Variants in INTS4 observed in about 807,000 individuals in gnomAD.
INTS4 encodes MSTP093.
INTS4 carries 70 observed loss-of-function variants against 119.5 expected under a neutral mutation model. That is an observed-to-expected ratio of 0.59 (90% CI 0.48 to 0.71). The LOEUF is 0.71. Ranked by LOEUF, INTS4 falls within the 30% of genes least tolerant of loss-of-function variation. The pLI, the probability that INTS4 is intolerant of heterozygous loss-of-function variation, is 0.00. For missense variants in INTS4, 867 were observed against 1,173.2 expected (o/e 0.74, Z 3.81); for synonymous variants, 316 against 419.6 (o/e 0.75, Z 3.02).
intron 4 of INTS4, among the ~76,000 whole-genome samples, chr11:77,972,245 C>T (rs1297845094): frequency 6.6e-6 from 1 of 152,078 alleles, no homozygotes; most frequent in African/African-American, 2.4e-5. Flanking sequence ...ACTACAGGCA[C>T]ACACCACCAT....
intron 8 of INTS4, among the ~76,000 whole-genome samples, chr11:77,953,828 C>T (rs1380648192): frequency 6.6e-6 from 1 of 152,060 alleles, no homozygotes; most frequent in African/African-American, 2.4e-5. Flanking sequence ...AAGTGATTTG[C>T]CCGCTTCGGC....
chr11:77,889,758 T>A (rs151147361), intron 21 of INTS4, among the ~76,000 whole-genome samples: 11 of 152,250 alleles, frequency 7.2e-5, no homozygotes, highest in African/African-American at 2.6e-4. Flanking sequence ...TTCAAACCAC[T>A]GGACCTGTCC....
chr11:77,887,003 T>A (rs1393710300), intron 21 of INTS4, among the ~76,000 whole-genome samples: 1 of 150,544 alleles, frequency 6.6e-6, no homozygotes, highest in African/African-American at 2.4e-5. Flanking sequence ...GCAGGAAAGA[T>A]CCAAAATTGA....
chr11:77,973,858 A>T (rs1238311998), intron 4 of INTS4, among the ~76,000 whole-genome samples: 1 of 152,158 alleles, frequency 6.6e-6, no homozygotes, highest in Non-Finnish European at 1.5e-5. Flanking sequence ...TATTTTGTTA[A>T]AGATATTTGG....
rs982409910 is a variant in INTS4, at chr11:77,925,357, A to G, written c.1372-465T>C. Among the ~76,000 whole-genome samples the G allele has an allele frequency of 2.0e-5, 3 of 152,268 alleles. No homozygotes were observed. The East Asian group carries it at 5.8e-4, about 29-fold the overall frequency. On this transcript the variant is annotated intron_variant, in intron 11 of 22. Transcript: ENST00000534064. ...GATCACTGTAACAGATGTAATAATGAAAAAGTTTGAAATATTGCAAGAATT... is the reference window on the plus strand; with the variant it reads ...GATCACTGTAACAGATGTAATAATGGAAAAGTTTGAAATATTGCAAGAATT...
intron 1 of INTS4, among the ~76,000 whole-genome samples, chr11:77,994,138 T>C (rs1856805155): frequency 6.6e-6 from 1 of 152,038 alleles, no homozygotes; most frequent in Non-Finnish European, 1.5e-5. Flanking sequence ...TTCAGCCCCT[T>C]AGAACCTTGT....
chr11:77,930,143 T>C (rs1953611223), intron 10 of INTS4, among the ~76,000 whole-genome samples: 1 of 152,226 alleles, frequency 6.6e-6, no homozygotes, highest in African/African-American at 2.4e-5. Context: ...CTTCTATACA[T>C]GGTTGTTTTT....
intron 18 of INTS4, 183 bp downstream of exon 18, chr11:77,901,238 G>A (rs1210406169): frequency 2.9e-6 from 2 of 701,350 alleles, no homozygotes; most frequent in Non-Finnish European, 5.0e-6. Context: ...GATTTCCAAG[G>A]GTCTAATCTG....
chr11:77,967,082 A>C (rs1855536353), intron 4 of INTS4, among the ~76,000 whole-genome samples: 1 of 152,036 alleles, frequency 6.6e-6, no homozygotes, highest in South Asian at 2.1e-4. Flanking sequence ...TTCCCTAATG[A>C]TTAGTGATTA....
At chr11:77,973,910 G>C (rs1427981899) in intron 4 of INTS4, among the ~76,000 whole-genome samples, 4 of 152,106 alleles carry the variant, frequency 2.6e-5, no homozygotes, top group Non-Finnish European at 5.9e-5. Flanking sequence ...TTCGTTTCTT[G>C]TGATGTCTTT....
chr11:77,923,466 T>C (rs1444611055), intron 12 of INTS4, among the ~76,000 whole-genome samples: 2 of 152,170 alleles, frequency 1.3e-5, no homozygotes, highest in Non-Finnish European at 2.9e-5. Context: ...AATCAGATTG[T>C]CTTTTTTATT....
At chr11:77,910,362 C>A (rs1246384916) in intron 15 of INTS4, among the ~76,000 whole-genome samples, 24 of 148,952 alleles carry the variant, frequency 1.6e-4, no homozygotes, top group African/African-American at 5.5e-4. Flanking sequence ...CAAACACTGC[C>A]TGTTCTCACT....
intron 4 of INTS4, among the ~76,000 whole-genome samples, chr11:77,969,939 C>G (rs1855653983): frequency 6.6e-6 from 1 of 152,174 alleles, no homozygotes; most frequent in Non-Finnish European, 1.5e-5. Flanking sequence ...TGGCTTCTTT[C>G]ACTTAGCATA....
chr11:77,884,792 C>A (rs1314854511), intron 21 of INTS4: 3 of 405,760 alleles, frequency 7.4e-6, no homozygotes, highest in African/African-American at 2.0e-5. Flanking sequence ...TCTTACTCTG[C>A]CACCCAGGCT....
chr11:77,911,052 G>T (rs193069058), intron 15 of INTS4: 1 of 1,288,696 alleles, frequency 7.8e-7, no homozygotes, highest in South Asian at 1.2e-5. Flanking sequence ...GGAAAAAACC[G>T]TCCACTGGAC....
In INTS4 at chr11:77,961,445, G is replaced by A. The variant is rs1205372705; in HGVS notation, c.472-307C>T. On this transcript the variant is annotated intron_variant, in intron 4 of 22. Transcript: ENST00000534064. ...TACTTTAAAATTCGTCCCTGATTGC[G>A]TTTTATTTGCTTTCAAATTTTAAAA... Among the ~76,000 whole-genome samples, 5 of 152,040 alleles carry A rather than the reference G, an allele frequency of 3.3e-5. 1 individual carries two copies. The highest frequency in any genetic ancestry group is 4.1e-4 in the South Asian group (2 of 4,830).
intron 8 of INTS4, among the ~76,000 whole-genome samples, chr11:77,946,668 G>T (rs1027980340): frequency 9.2e-5 from 14 of 151,868 alleles, no homozygotes; most frequent in Non-Finnish European, 1.8e-4. Flanking sequence ...GGCTGAGGTG[G>T]GAGGATCACT....
intron 9 of INTS4, among the ~76,000 whole-genome samples, chr11:77,940,282 T>A (rs186370279): frequency 0.014 from 2,161 of 151,836 alleles, 45 homozygotes; most frequent in African/African-American, 0.048. Flanking sequence ...TAAAAAAAAA[T>A]TAGCTGGGCA....
At chr11:77,911,523 C>G (rs1322534275) in intron 15 of INTS4, among the ~76,000 whole-genome samples, 38 of 152,190 alleles carry the variant, frequency 2.5e-4, no homozygotes. Flanking sequence ...TACTTTATTC[C>G]CCTGCCCCGG....
Sources: allele counts gnomAD v4.1 joint callset (sites outside exome capture counted in the v4.1 genomes callset), GRCh38; gene constraint gnomAD v4.1.1; transcripts MANE v1.5; gene names NCBI Gene and HGNC (gene_info 2026-07-23, HGNC 2026-07-21).